Variants in CTTNBP2 observed in about 807,000 individuals in gnomAD.
CTTNBP2 encodes the protein cortactin-binding protein 2.
A neutral mutation model predicts 156.9 loss-of-function variants in CTTNBP2; 108 were observed. The observed-to-expected ratio is 0.69, with a 90% CI of 0.59 to 0.81. CTTNBP2 has a LOEUF of 0.81. CTTNBP2 is among the 30% of genes least tolerant of loss of function. The pLI is 0.00. For synonymous variants in CTTNBP2, 767 were observed against 751.8 expected (o/e 1.02, Z -0.33); for missense variants, 1,924 against 2,035.4 (o/e 0.95, Z 1.05).
At position 117,847,819 on chromosome 7, in the gene CTTNBP2, C is replaced by CTTTTTTTTTT. The variant is rs201419286; in HGVS notation, c.189+13380_189+13389dup. Among the ~76,000 whole-genome samples the CTTTTTTTTTT allele has an allele frequency of 8.2e-4, 75 of 91,342 alleles. 8 individuals are homozygous for CTTTTTTTTTT. Among genetic ancestry groups the CTTTTTTTTTT allele is most frequent in the African/African-American group, 3.2e-3 (67 of 20,996 alleles). The allele number at this position is 91,342 out of a possible 152,430, so 59.9% of individuals were successfully genotyped here. On this transcript the variant is annotated intron_variant, in intron 2 of 22. Transcript: ENST00000160373. ...TTTTTATAGATCTTCTTTGCCTAAC[C>CTTTTTTTTTT]TTTTTTTTTTTTTTTTTTTTTTTTT...
At chr7:117,724,115 G>T (rs1794953768) in intron 19 of CTTNBP2, among the ~76,000 whole-genome samples, 1 of 152,050 alleles carries the variant, frequency 6.6e-6, no homozygotes, top group African/African-American at 2.4e-5. Context: ...AGAAAGAAAT[G>T]TGTACACCTG....
chr7:117,820,840 T>G (rs938826370), intron 2 of CTTNBP2, among the ~76,000 whole-genome samples: 1 of 152,214 alleles, frequency 6.6e-6, no homozygotes, highest in African/African-American at 2.4e-5. Flanking sequence ...TCCACATAAA[T>G]TTTAGAATCA....
intron 22 of CTTNBP2, among the ~76,000 whole-genome samples, chr7:117,717,418 G>A (rs971037990): frequency 3.3e-5 from 5 of 151,298 alleles, no homozygotes; most frequent in African/African-American, 4.8e-5. Flanking sequence ...GGAAACCTTA[G>A]GAACAACCAA....
At chr7:117,782,053 T>C (rs1383528251) in intron 6 of CTTNBP2, among the ~76,000 whole-genome samples, 1 of 152,202 alleles carries the variant, frequency 6.6e-6, no homozygotes, top group Non-Finnish European at 1.5e-5. Context: ...TAAAAAATTA[T>C]ATTTATGATT....
intron 2 of CTTNBP2, among the ~76,000 whole-genome samples, chr7:117,830,963 G>GT (rs975968175): frequency 8.0e-4 from 120 of 150,290 alleles, no homozygotes; most frequent in Middle Eastern, 6.9e-3. Flanking sequence ...TCACATGTAA[G>GT]TTTTTTTTTT....
At chr7:117,728,842 T>C (rs1031146739) in intron 16 of CTTNBP2, among the ~76,000 whole-genome samples, 1 of 152,220 alleles carries the variant, frequency 6.6e-6, no homozygotes, top group Non-Finnish European at 1.5e-5. Flanking sequence ...AAAGGAGTCA[T>C]TTATCACATT....
intron 2 of CTTNBP2, among the ~76,000 whole-genome samples, chr7:117,837,620 A>G (rs1802034154): frequency 6.6e-6 from 1 of 152,192 alleles, no homozygotes. Context: ...CTAAATATGA[A>G]ATTCACTTAT....
chr7:117,754,980 G>GA (rs1251348438), intron 12 of CTTNBP2, among the ~76,000 whole-genome samples: 2 of 152,210 alleles, frequency 1.3e-5, no homozygotes, highest in African/African-American at 4.8e-5. Flanking sequence ...CGGAGAAGCT[G>GA]ACAAGGGGGA....
chr7:117,765,852 A>G (rs1401539886), intron 9 of CTTNBP2, among the ~76,000 whole-genome samples: 1 of 152,208 alleles, frequency 6.6e-6, no homozygotes, highest in African/African-American at 2.4e-5. Flanking sequence ...TCATTGGCTT[A>G]TCTTTGACTG....
At chr7:117,743,127 C>A (rs967463130) in intron 14 of CTTNBP2, among the ~76,000 whole-genome samples, 5 of 152,210 alleles carry the variant, frequency 3.3e-5, no homozygotes, top group Admixed American at 1.3e-4. Context: ...AAGATGCCCA[C>A]CATAGATCTA....
rs1365707957 is a variant in CTTNBP2, at chr7:117,758,273, A to G, written c.3173-303T>C. Among the ~76,000 whole-genome samples the G allele has an allele frequency of 2.0e-5, 3 of 152,192 alleles. No individual in the cohort carries two copies. In the East Asian group the frequency reaches 5.8e-4, roughly 29 times the overall value. On this transcript the variant is annotated intron_variant, in intron 10 of 22. Transcript: ENST00000160373. Reference sequence around the variant, plus strand: ...ATATTTCTAGGGTTAAGCTCTCAAGAACAAGGCTGTCCATAATCTAAAACT... The same window carrying G: ...ATATTTCTAGGGTTAAGCTCTCAAGGACAAGGCTGTCCATAATCTAAAACT...
At chr7:117,782,311 C>T (rs1255393270) in intron 6 of CTTNBP2, among the ~76,000 whole-genome samples, 1 of 152,044 alleles carries the variant, frequency 6.6e-6, no homozygotes, top group Admixed American at 6.6e-5. Flanking sequence ...GAAATCATTG[C>T]TAAAGTTAGG....
chr7:117,727,265 C>T (rs915915566), intron 17 of CTTNBP2, among the ~76,000 whole-genome samples: 2 of 152,158 alleles, frequency 1.3e-5, no homozygotes, highest in African/African-American at 4.8e-5. Context: ...AATCAAAGCT[C>T]ACTGCAGTCT....
intron 9 of CTTNBP2, among the ~76,000 whole-genome samples, chr7:117,761,885 T>G (rs1797236161): frequency 6.6e-6 from 1 of 152,230 alleles, no homozygotes; most frequent in African/African-American, 2.4e-5. Context: ...ATGTGTTTGT[T>G]TATATGATCC....
intron 1 of CTTNBP2, among the ~76,000 whole-genome samples, chr7:117,862,326 G>A (rs1803817635): frequency 1.3e-5 from 2 of 151,862 alleles, no homozygotes; most frequent in Admixed American, 1.3e-4. Flanking sequence ...GTGGGGGGGC[G>A]GTGTGGTGGT....
At chr7:117,838,116 G>A (rs1802061259) in intron 2 of CTTNBP2, among the ~76,000 whole-genome samples, 1 of 152,212 alleles carries the variant, frequency 6.6e-6, no homozygotes, top group African/African-American at 2.4e-5. Context: ...CTCCTGAGAT[G>A]AGATACTCTT....
At chr7:117,835,044 A>G (rs1419215027) in intron 2 of CTTNBP2, among the ~76,000 whole-genome samples, 1 of 152,246 alleles carries the variant, frequency 6.6e-6, no homozygotes, top group East Asian at 1.9e-4. Context: ...CAGCGTCAAT[A>G]AAAGCAAAAA....
chr7:117,830,248 C>T (rs1214807997), intron 2 of CTTNBP2, among the ~76,000 whole-genome samples: 1 of 152,128 alleles, frequency 6.6e-6, no homozygotes, highest in Non-Finnish European at 1.5e-5. Context: ...ACAGCGTGTA[C>T]AACAGGCAAT....
intron 22 of CTTNBP2, among the ~76,000 whole-genome samples, chr7:117,715,088 A>T (rs533800715): frequency 2.6e-5 from 4 of 152,324 alleles, no homozygotes; most frequent in South Asian, 2.1e-4. Flanking sequence ...CACAGCATCT[A>T]CTAGAAGCTA....
Sources: gnomAD v4.1 joint callset for allele counts (sites outside exome capture counted in the v4.1 genomes callset) on GRCh38, gnomAD v4.1.1 for gene constraint, MANE v1.5 for transcripts, NCBI Gene and HGNC (gene_info 2026-07-23, HGNC 2026-07-21) for gene names.